The following ACAN variants were observed in gnomAD, a reference collection of about 807,000 sequenced individuals.
The protein encoded by ACAN is aggrecan core protein.
A neutral mutation model predicts 169.1 loss-of-function variants in ACAN; 47 were observed. The ratio of observed to expected loss-of-function variants is 0.28; its 90% CI spans 0.22 to 0.35. ACAN has a LOEUF of 0.35. ACAN is among the 10% of genes least tolerant of loss of function. ACAN has a pLI of 1.00. For synonymous variants in ACAN, 1,115 were observed against 1,112.2 expected (o/e 1.00, Z -0.05); for missense variants, 2,716 against 2,759.9 (o/e 0.98, Z 0.36).
rs1239132830 is a variant in ACAN, at chr15:88,870,183, C to G, written c.7061-1199C>G. ...GCTGACCCCCTGTTCTGCTCTCCCT[C>G]CACTGTCCCCAACTGTCTCTCCCCC... is the stretch of plus-strand genomic sequence containing the variant. On this transcript the variant is annotated intron_variant, in intron 14 of 18. Coordinates refer to ENST00000560601, the MANE Select transcript of ACAN (RefSeq NM_001369268.1). The surrounding 1 kb of genome is among the most constrained non-coding windows in gnomAD (Gnocchi z 6.3). Among the ~76,000 whole-genome samples, 1 of 152,178 alleles carries G rather than the reference C, an allele frequency of 6.6e-6. No individual in the cohort carries two copies. The highest frequency in any genetic ancestry group is 1.5e-5 in the Non-Finnish European group (1 of 68,040).
chr15:88,833,714 C>T (rs1896423389), intron 1 of ACAN, among the ~76,000 whole-genome samples: 1 of 121,428 alleles, frequency 8.2e-6, no homozygotes, highest in African/African-American at 3.8e-5. Flanking sequence ...GCCCACTCCA[C>T]CCCTATCCCC....
At position 88,833,224 on chromosome 15, in the gene ACAN, G is replaced by C. The variant is rs1259055931; in HGVS notation, c.-7-2976G>C. On this transcript the variant is annotated intron_variant, in intron 1 of 18. Transcript: ENST00000560601. ...GGACACATGCACGCATGCTCACACA[G>C]ACACATAGCCTCAGCTCAAGCTAAA... is the stretch of plus-strand genomic sequence containing the variant. Among the ~76,000 whole-genome samples the C allele has an allele frequency of 4.9e-4, 75 of 152,104 alleles. 1 individual carries two copies. The highest frequency in any genetic ancestry group is 4.9e-3 in the Admixed American group (75 of 15,262).
At position 88,872,960 on chromosome 15, in the gene ACAN, A is replaced by C. The variant is rs772428950; in HGVS notation, c.7382A>C (p.Glu2461Ala). 6 of 1,613,930 alleles carry C rather than the reference A, an allele frequency of 3.7e-6. No individual in the cohort carries two copies. The East Asian group carries it at 1.3e-4, about 36-fold the overall frequency. ...GEDCVVMIWHEKGEWNDVPCN... is the reference protein window; with the variant it reads ...GEDCVVMIWHAKGEWNDVPCN... The stretch of plus-strand genomic sequence containing the variant: ...GACTGTGTGGTGATGATCTGGCACG[A>C]GAAGGGCGAGTGGAATGATGTTCCC... The change falls in exon 17 of 19, where the codon GAG becomes GCG. Residue 2461 changes from glutamate to alanine, a missense_variant. Glu to Ala is a moderately radical substitution (Grantham distance 107). Coordinates refer to ENST00000560601, the MANE Select transcript of ACAN (RefSeq NM_001369268.1). This position sits in a 1 kb window ranked among gnomAD's most constrained non-coding sequence, Gnocchi z 5.4.
chr15:88,809,742 G>A (rs1895772730), intron 1 of ACAN, among the ~76,000 whole-genome samples: 1 of 152,218 alleles, frequency 6.6e-6, no homozygotes, highest in African/African-American at 2.4e-5. Context: ...TACAGCAGCT[G>A]CACCGTGACA....
chr15:88,831,213 C>T (rs1453336639), intron 1 of ACAN, among the ~76,000 whole-genome samples: 2 of 152,222 alleles, frequency 1.3e-5, no homozygotes, highest in Non-Finnish European at 2.9e-5. Context: ...AACACTGGTT[C>T]TCCTTGGAGC....
At chr15:88,804,499 G>A (rs1306753815) in intron 1 of ACAN, among the ~76,000 whole-genome samples, 1 of 152,128 alleles carries the variant, frequency 6.6e-6, no homozygotes, top group African/African-American at 2.4e-5. Context: ...CAACCAAGAA[G>A]GGGCATTTCT....
Position 88,861,187 on chromosome 15 carries a change from G to A in ACAN, c.6946+748G>A, listed in dbSNP as rs979615148. 7.9e-5 allele frequency among the ~76,000 whole-genome samples: 12 copies of A among 152,044 alleles called. No individual in the cohort carries two copies. Among genetic ancestry groups the A allele is most frequent in the Non-Finnish European group, 2.9e-5 (2 of 68,012 alleles). ...CATCTTATCAACATCACCACCTTGA[G>A]GAAAGAAATGCCCAGTTACCACCAA... On this transcript the variant is annotated intron_variant, in intron 13 of 18. Transcript: ENST00000560601. The surrounding 1 kb of genome is among the most constrained non-coding windows in gnomAD (Gnocchi z 6.3).
intron 1 of ACAN, among the ~76,000 whole-genome samples, chr15:88,819,857 A>G (rs1218754007): frequency 2.6e-5 from 4 of 152,136 alleles, no homozygotes; most frequent in Admixed American, 6.5e-5. Flanking sequence ...AAGGGGTACT[A>G]TCTTCAGCCC....
intron 1 of ACAN, among the ~76,000 whole-genome samples, chr15:88,806,193 G>A (rs1250179447): frequency 6.6e-6 from 1 of 152,098 alleles, no homozygotes; most frequent in African/African-American, 2.4e-5. Flanking sequence ...ACATAAAGTG[G>A]GTGCCTTGTC....
intron 7 of ACAN, among the ~76,000 whole-genome samples, chr15:88,846,953 C>T (rs1896805394): frequency 6.6e-6 from 1 of 152,228 alleles, no homozygotes; most frequent in African/African-American, 2.4e-5. Flanking sequence ...AATGGGATGT[C>T]AGGTAGCATA....
chr15:88,839,103 TC>T lies in ACAN; in HGVS notation c.454+58del. 6.3e-7 allele frequency: 1 copy of T among 1,578,836 alleles called. No individual in the cohort carries two copies. Among genetic ancestry groups the T allele is most frequent in the Non-Finnish European group, 8.6e-7 (1 of 1,169,188 alleles). Reference sequence around the variant, plus strand: ...TCACCCACATAAAGAACCAGAGCAGTCTCCGCAGTGCAGGCGCAGGCAGGCT... The same window carrying T: ...TCACCCACATAAAGAACCAGAGCAGTTCCGCAGTGCAGGCGCAGGCAGGCT... On this transcript the variant is annotated intron_variant, in intron 3 of 18. Coordinates refer to ENST00000560601, the MANE Select transcript of ACAN (RefSeq NM_001369268.1). This position sits in a 1 kb window ranked among gnomAD's most constrained non-coding sequence, Gnocchi z 4.5.
At position 88,869,106 on chromosome 15, in the gene ACAN, C is replaced by T. The variant is rs1228962300; in HGVS notation, c.7060+777C>T. Among the ~76,000 whole-genome samples the T allele has an allele frequency of 3.9e-5, 6 of 152,202 alleles. No homozygotes were observed. The highest frequency in any genetic ancestry group is 8.8e-5 in the Non-Finnish European group (6 of 68,034). On this transcript the variant is annotated intron_variant, in intron 14 of 18. Coordinates refer to ENST00000560601, the MANE Select transcript of ACAN (RefSeq NM_001369268.1). This position sits in a 1 kb window ranked among gnomAD's most constrained non-coding sequence, Gnocchi z 4.2. The stretch of plus-strand genomic sequence containing the variant: ...CACCAGGAACCCTCCCAGGGACAGA[C>T]TGAACCCTCAGCTCTCTCACCTTTG...
In ACAN at chr15:88,868,105, C is replaced by T; in HGVS notation, c.6947-111C>T. On this transcript the variant is annotated intron_variant, in intron 13 of 18. Transcript: ENST00000560601. The surrounding 1 kb of genome is among the most constrained non-coding windows in gnomAD (Gnocchi z 5.2). ...GTTCTCAGGAAAACCAGCCAGTTCC[C>T]TCCCAGGGGTCTGGAGAGCAGCAGG... The T allele has an allele frequency of 1.6e-6, 1 of 624,736 alleles. No individual in the cohort carries two copies. Among genetic ancestry groups the T allele is most frequent in the Non-Finnish European group, 2.9e-6 (1 of 349,054 alleles). The allele number at this position is 624,736 out of a possible 1,614,324, so 38.7% of individuals were successfully genotyped here. A position where few individuals can be genotyped will look rare whatever the true frequency, so the allele number is the denominator to read the frequency against.
Position 88,838,417 on chromosome 15 carries a change from A to T in ACAN, c.71-246A>T, listed in dbSNP as rs887354941. Among the ~76,000 whole-genome samples the T allele has an allele frequency of 1.3e-5, 2 of 152,014 alleles. No homozygotes were observed. Among genetic ancestry groups the T allele is most frequent in the African/African-American group, 4.8e-5 (2 of 41,378 alleles). On this transcript the variant is annotated intron_variant, in intron 2 of 18. Transcript: ENST00000560601. The surrounding 1 kb of genome is among the most constrained non-coding windows in gnomAD (Gnocchi z 5.1). ...CCTCCCTCCTCTGGAATCCTTTTCT[A>T]GCTCCATAGTTTCTGTCTCGAGATG...
chr15:88,866,902 A>T lies in ACAN; in HGVS notation c.6947-1314A>T, dbSNP rs1897289026. 6.6e-6 allele frequency among the ~76,000 whole-genome samples: 1 copy of T among 152,184 alleles called. No individual in the cohort carries two copies. ...TGTCCTGCAGAGCCCACCTACAGAC[A>T]TGTCACTGGATCTGGAAGGCTGTGT... On this transcript the variant is annotated intron_variant, in intron 13 of 18. Coordinates refer to ENST00000560601, the MANE Select transcript of ACAN (RefSeq NM_001369268.1). This position sits in a 1 kb window ranked among gnomAD's most constrained non-coding sequence, Gnocchi z 5.6.
Position 88,857,293 on chromosome 15 carries a change from C to A in ACAN, c.4708C>A (p.Pro1570Thr). The change falls in exon 12 of 19, where the codon CCT becomes ACT. Residue 1570 changes from proline (P) to threonine (T), a missense_variant. Physicochemically the swap from Pro to Thr is conservative, Grantham distance 38. Transcript: ENST00000560601. ...AGTAGGGACTGACCTCAGTGGGCTT[C>A]CTTCTGGAAGGGAGGGTCTAGAGAC... The part of the protein sequence containing the change: ...SEVGTDLSGL[P>T]SGREGLETSA... 1 of 1,613,606 alleles carries A rather than the reference C, an allele frequency of 6.2e-7. No individual in the cohort carries two copies. Among genetic ancestry groups the A allele is most frequent in the Non-Finnish European group, 8.5e-7 (1 of 1,179,820 alleles).
At position 88,807,039 on chromosome 15, in the gene ACAN, A is replaced by ATT. The variant is rs113485175; in HGVS notation, c.-8+3239_-8+3240dup. ...TGATATTTGCATATATTTTTATTTAATTTTTTTTTTACTATATTGGTCCCA... is the reference window on the plus strand; with the variant it reads ...TGATATTTGCATATATTTTTATTTAATTTTTTTTTTTTACTATATTGGTCCCA... On this transcript the variant is annotated intron_variant, in intron 1 of 18. Transcript: ENST00000560601. The surrounding 1 kb of genome is among the most constrained non-coding windows in gnomAD (Gnocchi z 4.0). Among the ~76,000 whole-genome samples the ATT allele has an allele frequency of 0.016, 2,439 of 150,488 alleles. 65 individuals carry two copies. Among genetic ancestry groups the ATT allele is most frequent in the African/African-American group, 0.056 (2,302 of 41,026 alleles).
At chr15:88,811,317 G>C (rs2141491851) in intron 1 of ACAN, among the ~76,000 whole-genome samples, 1 of 152,288 alleles carries the variant, frequency 6.6e-6, no homozygotes, top group South Asian at 2.1e-4. Context: ...AGGGACTTGA[G>C]CCTAAAAAGA....
At position 88,871,999 on chromosome 15, in the gene ACAN, C is replaced by T. The variant is rs1276629949; in HGVS notation, c.7220-4C>T. On this transcript the variant is annotated splice_region_variant and splice_polypyrimidine_tract_variant and intron_variant, in intron 15 of 18. Coordinates refer to ENST00000560601, the MANE Select transcript of ACAN (RefSeq NM_001369268.1). This position sits in a 1 kb window ranked among gnomAD's most constrained non-coding sequence, Gnocchi z 7.8. The stretch of plus-strand genomic sequence containing the variant: ...GATGCCTGACACCCTCACCCTTTCC[C>T]CAGACAATGCCCAAGACTACCAGTG... The T allele has an allele frequency of 4.3e-6, 7 of 1,613,702 alleles. No individual in the cohort carries two copies. The highest frequency in any genetic ancestry group is 4.2e-6 in the Non-Finnish European group (5 of 1,179,658).
Sources: allele counts gnomAD v4.1 joint callset (sites outside exome capture counted in the v4.1 genomes callset), GRCh38; gene constraint gnomAD v4.1.1; non-coding constraint Gnocchi (gnomAD v3.1); transcripts MANE v1.5; gene names NCBI Gene and HGNC (gene_info 2026-07-23, HGNC 2026-07-21).